PDE4B: variants seen among roughly 807,000 people sequenced by gnomAD.
PDE4B encodes the protein 3',5'-cyclic-AMP phosphodiesterase 4B.
PDE4B carries 20 observed loss-of-function variants against 82.2 expected under a neutral mutation model. The observed-to-expected ratio is 0.24, with a 90% confidence interval of 0.17 to 0.35. PDE4B has a LOEUF of 0.35. Among genes scored for constraint, PDE4B ranks in the 10% least tolerant of loss-of-function variants. PDE4B has a pLI of 1.00. For missense variants in PDE4B, 655 were observed against 907.2 expected (o/e 0.72, Z 3.57); for synonymous variants, 320 against 318.9 (o/e 1.00, Z -0.04).
chr1:66,164,001 C>T (rs1646669571), intron 3 of PDE4B, among the ~76,000 whole-genome samples: 1 of 152,238 alleles, frequency 6.6e-6, no homozygotes, highest in African/African-American at 2.4e-5. Context: ...AAAAACAAGT[C>T]TTGTGGTGCA....
intron 1 of PDE4B, among the ~76,000 whole-genome samples, chr1:65,872,311 A>G (rs74083918): frequency 5.9e-5 from 9 of 152,286 alleles, no homozygotes; most frequent in Admixed American, 1.3e-4. Context: ...ATAATTGTTA[A>G]TAATTAATGA....
chr1:66,250,791 G>A (rs897983000), intron 4 of PDE4B, among the ~76,000 whole-genome samples: 1 of 152,178 alleles, frequency 6.6e-6, no homozygotes, highest in African/African-American at 2.4e-5. Flanking sequence ...GAACCACCAT[G>A]GACAGAATGG....
chr1:66,330,392 C>T (rs928905956), intron 7 of PDE4B, among the ~76,000 whole-genome samples: 5 of 152,154 alleles, frequency 3.3e-5, no homozygotes, highest in East Asian at 3.9e-4. Flanking sequence ...TGTACTTCTG[C>T]GGGTATAATT....
chr1:66,216,389 C>T (rs576076972), intron 3 of PDE4B, among the ~76,000 whole-genome samples: 173 of 107,656 alleles, frequency 1.6e-3, no homozygotes, highest in Admixed American at 3.0e-3. Flanking sequence ...AATAAAAAGT[C>T]GTTCTTAATT....
At chr1:66,005,139 A>G (rs148149852) in intron 3 of PDE4B, among the ~76,000 whole-genome samples, 10 of 152,060 alleles carry the variant, frequency 6.6e-5, no homozygotes, top group Non-Finnish European at 1.5e-4. Flanking sequence ...TCCCATTAAT[A>G]AATATTATCA....
intron 8 of PDE4B, among the ~76,000 whole-genome samples, chr1:66,343,635 A>G (rs1661181892): frequency 6.6e-6 from 1 of 152,264 alleles, no homozygotes; most frequent in Admixed American, 6.5e-5. Context: ...AAGGAGGCAT[A>G]GATTTCTTTC....
chr1:65,880,628 C>T (rs1646698268), intron 1 of PDE4B, among the ~76,000 whole-genome samples: 1 of 152,200 alleles, frequency 6.6e-6, no homozygotes, highest in Non-Finnish European at 1.5e-5. Flanking sequence ...GGTGAAAAAG[C>T]ACTATTTGTG....
At chr1:66,113,292 TTAAC>T (rs1645526131) in intron 3 of PDE4B, among the ~76,000 whole-genome samples, 3 of 152,326 alleles carry the variant, frequency 2.0e-5, no homozygotes, top group South Asian at 2.1e-4. Flanking sequence ...AAATTTTACT[TTAAC>T]TAGCACTTTG....
At chr1:65,831,485 G>C (rs967860902) in intron 1 of PDE4B, among the ~76,000 whole-genome samples, 1 of 152,092 alleles carries the variant, frequency 6.6e-6, no homozygotes, top group African/African-American at 2.4e-5. Flanking sequence ...AAGAATATTA[G>C]AAAACTTGCT....
chr1:66,051,978 A>G (rs1655052205), intron 3 of PDE4B, among the ~76,000 whole-genome samples: 1 of 142,948 alleles, frequency 7.0e-6, no homozygotes, highest in Non-Finnish European at 1.5e-5. Flanking sequence ...AGGTATGGCC[A>G]TCTTCTGAGG....
intron 3 of PDE4B, among the ~76,000 whole-genome samples, chr1:66,022,747 G>A (rs975225585): frequency 1.3e-5 from 2 of 152,158 alleles, no homozygotes; most frequent in Non-Finnish European, 2.9e-5. Flanking sequence ...ATGTTCATCA[G>A]GGATATTGAT....
intron 3 of PDE4B, among the ~76,000 whole-genome samples, chr1:66,003,738 C>G (rs1252334608): frequency 6.6e-6 from 1 of 152,082 alleles, no homozygotes; most frequent in Non-Finnish European, 1.5e-5. Flanking sequence ...TTCTTTAGGC[C>G]AGAAGAGAGG....
At chr1:66,247,346 G>A in intron 3 of PDE4B, 114 bp from the exon 4 acceptor site, 2 of 590,960 alleles carry the variant, frequency 3.4e-6, no homozygotes, top group Non-Finnish European at 5.9e-6. Context: ...AGTACATACA[G>A]TTTTATGTAA....
At chr1:66,119,699 T>C (rs1645671054) in intron 3 of PDE4B, among the ~76,000 whole-genome samples, 1 of 152,176 alleles carries the variant, frequency 6.6e-6, no homozygotes, top group Admixed American at 6.6e-5. Flanking sequence ...TTAAATTGTG[T>C]TTCCCCCAAA....
intron 12 of PDE4B, 74 bp downstream of exon 12, chr1:66,363,645 C>T (rs1369993599): frequency 3.2e-6 from 4 of 1,258,160 alleles, no homozygotes; most frequent in Non-Finnish European, 4.5e-6. Context: ...GATGTAGTAG[C>T]ATGTGCCTGT....
chr1:66,003,579 G>T (rs543352088), intron 3 of PDE4B, among the ~76,000 whole-genome samples: 4 of 152,222 alleles, frequency 2.6e-5, no homozygotes, highest in African/African-American at 9.6e-5. Context: ...ATCTCAAAAC[G>T]TCTCCTTCCA....
At chr1:66,291,455 A>G (rs1657073114) in intron 7 of PDE4B, among the ~76,000 whole-genome samples, 1 of 152,192 alleles carries the variant, frequency 6.6e-6, no homozygotes, top group Non-Finnish European at 1.5e-5. Flanking sequence ...CTTTCTATAG[A>G]TGTTACTTAG....
chr1:65,872,477 C>T (rs1053317332), intron 1 of PDE4B, among the ~76,000 whole-genome samples: 3 of 152,016 alleles, frequency 2.0e-5, no homozygotes, highest in Admixed American at 6.6e-5. Flanking sequence ...GATGGTTTAA[C>T]GCTATCTTAC....
At chr1:66,072,527 C>T (rs1311180107) in intron 3 of PDE4B, among the ~76,000 whole-genome samples, 4 of 152,026 alleles carry the variant, frequency 2.6e-5, no homozygotes, top group African/African-American at 7.2e-5. Context: ...GCTAGGTGGC[C>T]CTCCAGACTA....
Sources: allele counts gnomAD v4.1 joint callset (sites outside exome capture counted in the v4.1 genomes callset), GRCh38; gene constraint gnomAD v4.1.1; transcripts MANE v1.5; gene names NCBI Gene and HGNC (gene_info 2026-07-23, HGNC 2026-07-21).